The following TTC9 variants were observed in gnomAD, a reference collection of about 807,000 sequenced individuals.
The protein encoded by TTC9 is tetratricopeptide repeat domain 9, also known as tetratricopeptide repeat protein 9A.
A neutral mutation model predicts 22.9 loss-of-function variants in TTC9; 13 were observed. That is an observed-to-expected ratio of 0.57 (90% CI 0.37 to 0.90). The LOEUF is 0.90. Ranked by LOEUF, TTC9 falls within the 40% of genes least tolerant of loss-of-function variation. The probability of loss-of-function intolerance (pLI) is 0.01; values close to 1 mark genes in which losing one functional copy is unlikely to be tolerated. For missense variants in TTC9, 280 were observed against 291.8 expected (o/e 0.96, Z 0.29); for synonymous variants, 148 against 133.2 (o/e 1.11, Z -0.77).
chr14:70,644,570 A>G (rs1164051334), intron 1 of TTC9, among the ~76,000 whole-genome samples: 1 of 152,170 alleles, frequency 6.6e-6, no homozygotes, highest in Non-Finnish European at 1.5e-5. Context: ...TTGATGCACA[A>G]AGTCAGCATC....
intron 2 of TTC9, among the ~76,000 whole-genome samples, chr14:70,670,369 G>A (rs1886275340): frequency 6.6e-6 from 1 of 152,208 alleles, no homozygotes; most frequent in African/African-American, 2.4e-5. Flanking sequence ...AATGGAGCTT[G>A]TTGGCTGGGC....
intron 1 of TTC9, among the ~76,000 whole-genome samples, chr14:70,659,130 A>ACGCG (rs35178781): frequency 1.2e-4 from 13 of 111,356 alleles, no homozygotes; most frequent in East Asian, 9.7e-4. Context: ...ACACACACAC[A>ACGCG]CGCACACACA....
intron 1 of TTC9, among the ~76,000 whole-genome samples, chr14:70,653,975 T>G (rs1464771295): frequency 6.6e-6 from 1 of 152,160 alleles, no homozygotes; most frequent in Admixed American, 6.5e-5. Context: ...CCACCCACCC[T>G]CTTGTGCATC....
intron 1 of TTC9, among the ~76,000 whole-genome samples, chr14:70,660,908 C>T (rs1886136345): frequency 6.6e-6 from 1 of 152,198 alleles, no homozygotes; most frequent in African/African-American, 2.4e-5. Flanking sequence ...CCTAGGAACC[C>T]AATGGCCATT....
intron 1 of TTC9, among the ~76,000 whole-genome samples, chr14:70,656,778 C>T (rs1353362929): frequency 6.6e-6 from 1 of 152,180 alleles, no homozygotes; most frequent in Non-Finnish European, 1.5e-5. Context: ...TCTGGGAATA[C>T]ACTCATCTTC....
At chr14:70,663,400 C>A (rs1886170624) in intron 1 of TTC9, among the ~76,000 whole-genome samples, 1 of 152,148 alleles carries the variant, frequency 6.6e-6, no homozygotes, top group Non-Finnish European at 1.5e-5. Context: ...TCACAAGTGG[C>A]ATGTAGTGAG....
At chr14:70,663,757 G>A (rs991178473) in intron 1 of TTC9, among the ~76,000 whole-genome samples, 1 of 152,214 alleles carries the variant, frequency 6.6e-6, no homozygotes, top group East Asian at 1.9e-4. Flanking sequence ...GCCCCGCCCA[G>A]TGCCCAGCAG....
At chr14:70,661,273 T>A (rs1205240) in intron 1 of TTC9, among the ~76,000 whole-genome samples, 11 of 151,962 alleles carry the variant, frequency 7.2e-5, no homozygotes, top group Non-Finnish European at 1.3e-4. Flanking sequence ...CCATTCTAAC[T>A]ATTTCATTTT....
In TTC9 at chr14:70,673,904, T is replaced by C. The variant is rs1886332304; in HGVS notation, c.*2749T>C. 1 of 152,018 alleles carries C rather than the reference T, an allele frequency of 6.6e-6. No homozygotes were observed. Among genetic ancestry groups the C allele is most frequent in the Non-Finnish European group, 1.5e-5 (1 of 68,012 alleles). The allele number at this position is 152,018 out of a possible 1,614,324, so 9.4% of individuals were successfully genotyped here. ...GAACCTCATAGAACAAGCGTCCAGG[T>C]CATCTGCTTGTTTGGTGACTTAGAT... On this transcript the variant is annotated 3_prime_UTR_variant, in exon 3 of 3. Coordinates refer to ENST00000256367, the MANE Select transcript of TTC9 (RefSeq NM_015351.2).
At chr14:70,664,847 A>G (rs1886192238) in intron 1 of TTC9, among the ~76,000 whole-genome samples, 1 of 151,850 alleles carries the variant, frequency 6.6e-6, no homozygotes, top group Non-Finnish European at 1.5e-5. Context: ...CTGAGGCTCC[A>G]CACCCTATAA....
At position 70,671,082 on chromosome 14, in the gene TTC9, A is replaced by C. The variant is rs201118902; in HGVS notation, c.596A>C (p.Asn199Thr). Residue 199 changes from asparagine (N) to threonine (T), a missense_variant, in exon 3 of 3, where the codon AAC (asparagine) becomes ACC (threonine). Physicochemically the swap from Asn to Thr is moderately conservative, Grantham distance 65 (BLOSUM62 0). Transcript: ENST00000256367. ...TTTATTTCTCTCCTCACAGACACCAACGTGATTCGGTATATCCAGCTGACG... is the reference window on the plus strand; with the variant it reads ...TTTATTTCTCTCCTCACAGACACCACCGTGATTCGGTATATCCAGCTGACG... ...EARTQQPTDT[N>T]VIRYIQLTEM... The C allele has an allele frequency of 1.9e-6, 3 of 1,613,538 alleles. No individual in the cohort carries two copies. The highest frequency in any genetic ancestry group is 1.7e-5 in the Admixed American group (1 of 60,022).
intron 2 of TTC9, among the ~76,000 whole-genome samples, chr14:70,670,766 T>G (rs1236165200): frequency 6.6e-6 from 1 of 152,138 alleles, no homozygotes; most frequent in South Asian, 2.1e-4. Context: ...CTAAACTAAC[T>G]GCGCCGGCTG....
At chr14:70,663,795 T>C (rs1341909803) in intron 1 of TTC9, among the ~76,000 whole-genome samples, 1 of 152,144 alleles carries the variant, frequency 6.6e-6, no homozygotes, top group Non-Finnish European at 1.5e-5. Context: ...CTTGTTAGCT[T>C]TGGAACACAG....
At chr14:70,667,801 A>G in intron 2 of TTC9, 55 bp downstream of exon 2, 1 of 1,513,754 alleles carries the variant, frequency 6.6e-7, no homozygotes, top group South Asian at 1.3e-5. Flanking sequence ...GGCTCCTGGG[A>G]CCTTCTCATT....
At chr14:70,658,798 A>G (rs72721903) in intron 1 of TTC9, among the ~76,000 whole-genome samples, 9,150 of 152,292 alleles carry the variant, frequency 0.06, 376 homozygotes, top group Non-Finnish European at 0.088. Context: ...AATACTGGAA[A>G]CAGCGCAGAT....
intron 1 of TTC9, among the ~76,000 whole-genome samples, chr14:70,657,106 T>C (rs978673205): frequency 3.3e-5 from 5 of 152,264 alleles, no homozygotes; most frequent in Non-Finnish European, 7.3e-5. Flanking sequence ...TACAGGATTT[T>C]ATACTGACTT....
chr14:70,649,999 A>G (rs1288289487), intron 1 of TTC9, among the ~76,000 whole-genome samples: 2 of 152,188 alleles, frequency 1.3e-5, no homozygotes. Context: ...TAATGAACAT[A>G]GAGACTGCAG....
chr14:70,642,043 C>T lies in TTC9; in HGVS notation c.-87C>T, dbSNP rs898310961. The T allele has an allele frequency of 1.1e-6, 1 of 941,176 alleles. No homozygotes were observed. Among genetic ancestry groups the T allele is most frequent in the African/African-American group, 1.8e-5 (1 of 55,758 alleles). 58.3% of individuals were successfully genotyped at this position (941,176 alleles called of 1,614,324 possible). ...AGCCTGCGAGGCGCGGGGCCGGCGCCCGCGGCTTTTAAACCCGGGAAGGCG... is the reference window on the plus strand; with the variant it reads ...AGCCTGCGAGGCGCGGGGCCGGCGCTCGCGGCTTTTAAACCCGGGAAGGCG... On this transcript the variant is annotated 5_prime_UTR_variant, in exon 1 of 3. Coordinates refer to ENST00000256367, the MANE Select transcript of TTC9 (RefSeq NM_015351.2).
rs191840165 is a variant in TTC9, at chr14:70,644,940, G to A, written c.406+2405G>A. Among the ~76,000 whole-genome samples, 1,483 of 151,350 alleles carry A rather than the reference G, an allele frequency of 9.8e-3. 11 individuals are homozygous for A. Among genetic ancestry groups the A allele is most frequent in the South Asian group, 0.018 (88 of 4,782 alleles). On this transcript the variant is annotated intron_variant, in intron 1 of 2. Transcript: ENST00000256367. ...ATCCTGGCTAACACGGTGAAACCCCGTCTCTACTAAAAATACAAAAAATTA... is the reference window on the plus strand; with the variant it reads ...ATCCTGGCTAACACGGTGAAACCCCATCTCTACTAAAAATACAAAAAATTA...
Sources: gnomAD v4.1 joint callset for allele counts (sites outside exome capture counted in the v4.1 genomes callset) on GRCh38, gnomAD v4.1.1 for gene constraint, MANE v1.5 for transcripts, NCBI Gene and HGNC (gene_info 2026-07-23, HGNC 2026-07-21) for gene names.